The following ARMH3 variants were observed in gnomAD, a reference collection of about 807,000 sequenced individuals.
The protein encoded by ARMH3 is armadillo-like helical domain-containing protein 3.
ARMH3 carries 60 observed loss-of-function variants against 99.1 expected under a neutral mutation model. The observed-to-expected ratio is 0.61, with a 90% CI of 0.49 to 0.75. ARMH3 has a LOEUF of 0.75. Ranked by LOEUF, ARMH3 falls within the 30% of genes least tolerant of loss-of-function variation. The pLI is 0.00. For synonymous variants in ARMH3, 285 were observed against 292.8 expected (o/e 0.97, Z 0.27); for missense variants, 679 against 843.1 (o/e 0.81, Z 2.41).
intron 22 of ARMH3, chr10:101,952,499 T>A (rs1457872080): frequency 2.6e-5 from 4 of 151,964 alleles, no homozygotes; most frequent in African/African-American, 9.7e-5. Flanking sequence ...TGGTAAAATC[T>A]AAATAAACTT....
intron 20 of ARMH3, among the ~76,000 whole-genome samples, chr10:101,962,962 CTTTT>C (rs1439300051): frequency 1.4e-5 from 2 of 143,510 alleles, no homozygotes; most frequent in African/African-American, 2.6e-5. Context: ...GAGTACATGT[CTTTT>C]TTTCTTTTTT....
At chr10:101,995,171 G>A (rs1846998571) in intron 16 of ARMH3, 126 bp downstream of exon 16, 3 of 782,602 alleles carry the variant, frequency 3.8e-6, no homozygotes, top group East Asian at 2.5e-5. Flanking sequence ...AATACAAAGG[G>A]GGAAGATTTT....
Position 101,957,662 on chromosome 10 carries a change from T to C in ARMH3, c.1566A>G (p.Thr522=), listed in dbSNP as rs762734001. 29 of 1,610,170 alleles carry C rather than the reference T, an allele frequency of 1.8e-5. No individual in the cohort carries two copies. Among genetic ancestry groups the C allele is most frequent in the South Asian group, 1.7e-4 (15 of 90,098 alleles). Residue 522 remains threonine (T), a synonymous_variant, in exon 21 of 26, where the codon ACA becomes ACG. Coordinates refer to ENST00000370033, the MANE Select transcript of ARMH3 (RefSeq NM_024541.3). ...TTTTGATACTCACCATAAGGGCTAA[T>C]GTAAAAATGTTGTGTTTGGCCAAAA... ...TVLLAKHNIF[T]LALMIVNLFN...
intron 15 of ARMH3, among the ~76,000 whole-genome samples, chr10:102,000,824 G>GT (rs1022742716): frequency 5.4e-4 from 80 of 147,856 alleles, no homozygotes; most frequent in South Asian, 1.7e-3. Context: ...TAGTTTTGTT[G>GT]TTTTTTTTTT....
intron 4 of ARMH3, 29 bp from the exon 5 acceptor site, chr10:102,029,774 T>C (rs946208217): frequency 7.5e-6 from 12 of 1,599,710 alleles, no homozygotes; most frequent in Non-Finnish European, 9.4e-6. Flanking sequence ...GAATTCTTTC[T>C]GGAGAGGAAG....
At chr10:101,966,487 C>T (rs753368207) in intron 20 of ARMH3, among the ~76,000 whole-genome samples, 1 of 151,594 alleles carries the variant, frequency 6.6e-6, no homozygotes, top group African/African-American at 2.4e-5. Context: ...AGGCTGGTCT[C>T]GAACTCCTGA....
At chr10:101,989,720 CAAAACAAAAACA>C (rs535385476) in intron 19 of ARMH3, among the ~76,000 whole-genome samples, 19 of 152,054 alleles carry the variant, frequency 1.2e-4, no homozygotes, top group African/African-American at 2.7e-4. Context: ...GACTCCGTCT[CAAAACAAAAACA>C]AAAACAAAAA....
chr10:101,988,420 C>T (rs1351359218), intron 19 of ARMH3, among the ~76,000 whole-genome samples: 1 of 152,088 alleles, frequency 6.6e-6, no homozygotes, highest in Admixed American at 6.6e-5. Context: ...AGTTCAGGGA[C>T]CCCAGCTAAA....
At chr10:102,016,175 G>A (rs1350009511) in intron 8 of ARMH3, among the ~76,000 whole-genome samples, 1 of 152,102 alleles carries the variant, frequency 6.6e-6, no homozygotes, top group Non-Finnish European at 1.5e-5. Flanking sequence ...GAAGTACTTA[G>A]GATTTTGGAT....
chr10:101,939,671 CT>C (rs1844150890), intron 23 of ARMH3, among the ~76,000 whole-genome samples, 191 bp downstream of exon 23: 1 of 152,188 alleles, frequency 6.6e-6, no homozygotes, highest in Non-Finnish European at 1.5e-5. Flanking sequence ...GCACTTTGAG[CT>C]GTTTCAATAT....
At chr10:101,935,196 T>TATATATATATATATAC (rs1843907895) in intron 23 of ARMH3, among the ~76,000 whole-genome samples, 1 of 147,612 alleles carries the variant, frequency 6.8e-6, no homozygotes, top group South Asian at 2.1e-4. Flanking sequence ...TATATATATA[T>TATATATATATATATAC]ATACATTTTT....
At chr10:102,054,547 G>A (rs1224661145) in intron 1 of ARMH3, among the ~76,000 whole-genome samples, 1 of 152,148 alleles carries the variant, frequency 6.6e-6, no homozygotes, top group Non-Finnish European at 1.5e-5. Context: ...TATCCTGAAA[G>A]TCTTCACACA....
chr10:102,034,928 T>A (rs1209380926), intron 2 of ARMH3, among the ~76,000 whole-genome samples: 1 of 151,472 alleles, frequency 6.6e-6, no homozygotes, highest in Non-Finnish European at 1.5e-5. Context: ...AATAAATAAA[T>A]AAAAAATAAA....
intron 15 of ARMH3, among the ~76,000 whole-genome samples, chr10:101,999,912 G>A (rs185341832): frequency 2.6e-5 from 4 of 152,026 alleles, no homozygotes; most frequent in East Asian, 3.9e-4. Flanking sequence ...ATGAAACCCC[G>A]TCTCTACTAA....
intron 17 of ARMH3, 77 bp from the exon 18 acceptor site, chr10:101,992,115 T>C: frequency 1.7e-6 from 2 of 1,210,002 alleles, no homozygotes; most frequent in Non-Finnish European, 2.5e-6. Context: ...TCATGTTCCT[T>C]GTGCAAATAA....
intron 19 of ARMH3, among the ~76,000 whole-genome samples, chr10:101,985,296 G>A (rs147729676): frequency 0.012 from 1,449 of 121,278 alleles, 19 homozygotes; most frequent in African/African-American, 0.039. Flanking sequence ...ATATACACAC[G>A]TATATATACA....
At chr10:102,001,918 A>G in intron 15 of ARMH3, 53 bp downstream of exon 15, 1 of 1,484,542 alleles carries the variant, frequency 6.7e-7, no homozygotes, top group South Asian at 1.1e-5. Flanking sequence ...CTTTGATGCT[A>G]GCTGCCTGCC....
chr10:101,924,784 A>T (rs2135624409), intron 23 of ARMH3, among the ~76,000 whole-genome samples: 1 of 152,276 alleles, frequency 6.6e-6, no homozygotes, highest in Non-Finnish European at 1.5e-5. Context: ...ACCTGAGGTC[A>T]GAAGTTCAAG....
rs71016357 is a variant in ARMH3 at position 101,992,497 on chromosome 10, A to ATT, written c.1276-461_1276-460dup. Reference sequence around the variant, plus strand: ...AGTTTTACATCTAAACCTCAATGTAATTTTTTTTTTTTTTTTGAGACGGAG... The same window carrying ATT: ...AGTTTTACATCTAAACCTCAATGTAATTTTTTTTTTTTTTTTTTGAGACGGAG... On this transcript the variant is annotated intron_variant, in intron 17 of 25. Transcript: ENST00000370033. Among the ~76,000 whole-genome samples, 73 of 143,754 alleles carry ATT rather than the reference A, an allele frequency of 5.1e-4. 1 individual carries two copies. Among genetic ancestry groups the ATT allele is most frequent in the East Asian group, 3.3e-3 (16 of 4,904 alleles). 94.3% of individuals were successfully genotyped at this position (143,754 alleles called of 152,430 possible). A position where few individuals can be genotyped will look rare whatever the true frequency, so the allele number is the denominator to read the frequency against.
Sources: gnomAD v4.1 joint callset for allele counts (sites outside exome capture counted in the v4.1 genomes callset) on GRCh38, gnomAD v4.1.1 for gene constraint, MANE v1.5 for transcripts, NCBI Gene and HGNC (gene_info 2026-07-23, HGNC 2026-07-21) for gene names.